ARMC2: variants seen among roughly 807,000 people sequenced by gnomAD.
The protein encoded by ARMC2 is armadillo repeat-containing protein 2.
In ARMC2, 67 loss-of-function variants were observed where a neutral mutation model predicts 90.3. The observed-to-expected ratio is 0.74, with a 90% CI of 0.61 to 0.91. The LOEUF (loss-of-function observed/expected upper bound fraction) is 0.91, where lower values mean the gene tolerates loss of function less well. Ranked by LOEUF, ARMC2 falls within the 40% of genes least tolerant of loss-of-function variation. The pLI, the probability that ARMC2 is intolerant of heterozygous loss-of-function variation, is 0.00. For missense variants in ARMC2, 920 were observed against 1,030.9 expected, an observed-to-expected ratio of 0.89 and a Z score of 1.47; for synonymous variants, 393 against 393.0, an observed-to-expected ratio of 1.00 and a Z score of 0.00.
rs536475725 is a variant in ARMC2 at position 108,927,504 on chromosome 6, C to G, written c.1351-584C>G. On this transcript the variant is annotated intron_variant, in intron 10 of 17. Transcript: ENST00000392644. ...TAGTTTTATGATTTACTAAACTCTTCTCTTCTTGACTCTTTGACGAAGGTA... is the reference window on the plus strand; with the variant it reads ...TAGTTTTATGATTTACTAAACTCTTGTCTTCTTGACTCTTTGACGAAGGTA... Among the ~76,000 whole-genome samples, 8 of 151,956 alleles carry G rather than the reference C, an allele frequency of 5.3e-5. No individual in the cohort carries two copies. In the East Asian group the frequency reaches 1.4e-3, roughly 26 times the overall value.
rs145606459 is a variant in ARMC2, at chr6:108,895,645, C to T, written c.748+1102C>T. On this transcript the variant is annotated intron_variant, in intron 6 of 17. Transcript: ENST00000392644. ...TATTCATGCAATAGAATATAGTTGT[C>T]ACAAAAGTGAACTCATGGGCTTTTG... Among the ~76,000 whole-genome samples the T allele has an allele frequency of 4.2e-3, 634 of 152,212 alleles. 3 individuals carry two copies. The highest frequency in any genetic ancestry group is 0.014 in the African/African-American group (594 of 41,518).
chr6:109,027,045 C>G, the ARMC2 span, among the ~76,000 whole-genome samples: 1 of 152,166 alleles, frequency 6.6e-6, no homozygotes, highest in African/African-American at 2.4e-5. Flanking sequence ...CACCACATAC[C>G]TATAATCCCA....
chr6:108,886,530 C>G (rs1353175595), intron 5 of ARMC2, among the ~76,000 whole-genome samples: 1 of 152,146 alleles, frequency 6.6e-6, no homozygotes, highest in Non-Finnish European at 1.5e-5. Context: ...GAGATCACAC[C>G]ACTGCACTCC....
At chr6:108,965,987 T>C (rs1215497697) in intron 17 of ARMC2, among the ~76,000 whole-genome samples, 1 of 150,520 alleles carries the variant, frequency 6.6e-6, no homozygotes, top group African/African-American at 2.5e-5. Flanking sequence ...ATTTTTATAA[T>C]TTTAGGATAA....
At chr6:108,930,370 T>C (rs1186142502) in intron 11 of ARMC2, among the ~76,000 whole-genome samples, 2 of 152,070 alleles carry the variant, frequency 1.3e-5, no homozygotes, top group Admixed American at 6.6e-5. Context: ...TGTAATTCTT[T>C]CCCCTGTCCT....
chr6:108,855,531 G>A lies in ARMC2; in HGVS notation c.218+1046G>A, dbSNP rs935006662. ...CTCCCAAAGTGCTGGGATTACAGGC[G>A]TGAGCGACCTCGCCCGGCCAAGTTT... On this transcript the variant is annotated intron_variant, in intron 2 of 17. Transcript: ENST00000392644. 3.3e-5 allele frequency among the ~76,000 whole-genome samples: 5 copies of A among 152,294 alleles called. No homozygotes were observed. The East Asian group carries it at 5.8e-4, about 18-fold the overall frequency.
At position 108,897,729 on chromosome 6, in the gene ARMC2, G is replaced by A. The variant is rs1048666118; in HGVS notation, c.749-1965G>A. Among the ~76,000 whole-genome samples, 3 of 152,112 alleles carry A rather than the reference G, an allele frequency of 2.0e-5. No homozygotes were observed. The East Asian group carries it at 5.8e-4, about 29-fold the overall frequency. Reference sequence around the variant, plus strand: ...CATCAGCACCATTTGATGGTTTGAGGATTCATGTCAGAATTCAAATACATC... The same window carrying A: ...CATCAGCACCATTTGATGGTTTGAGAATTCATGTCAGAATTCAAATACATC... On this transcript the variant is annotated intron_variant, in intron 6 of 17. Coordinates refer to ENST00000392644, the MANE Select transcript of ARMC2 (RefSeq NM_032131.6).
At chr6:108,902,441 C>A (rs1232055405) in intron 7 of ARMC2, among the ~76,000 whole-genome samples, 9 of 152,156 alleles carry the variant, frequency 5.9e-5, no homozygotes, top group African/African-American at 2.2e-4. Context: ...ATGAGTGGCC[C>A]AGAGCCTGGA....
intron 3 of ARMC2, among the ~76,000 whole-genome samples, chr6:108,868,047 A>G (rs1776005386): frequency 6.6e-6 from 1 of 152,222 alleles, no homozygotes; most frequent in East Asian, 1.9e-4. Flanking sequence ...AAATTTTGAT[A>G]TCATTAAAAA....
chr6:108,885,953 C>T (rs1778056770), intron 5 of ARMC2, among the ~76,000 whole-genome samples: 1 of 152,242 alleles, frequency 6.6e-6, no homozygotes. Flanking sequence ...TGGCCATCTT[C>T]ACACTGCAGC....
intron 5 of ARMC2, among the ~76,000 whole-genome samples, chr6:108,886,883 GTTTT>G (rs10712168): frequency 2.0e-5 from 3 of 146,442 alleles, no homozygotes; most frequent in Non-Finnish European, 4.5e-5. Context: ...GAATTTTATA[GTTTT>G]TTTTTTGTTT....
chr6:108,883,240 C>CCAGT (rs1270724139), intron 5 of ARMC2, among the ~76,000 whole-genome samples: 11 of 152,170 alleles, frequency 7.2e-5, no homozygotes, highest in African/African-American at 2.7e-4. Flanking sequence ...AATTGTATTG[C>CCAGT]CAGTCCAGTT....
chr6:108,890,580 T>C (rs1004469525), intron 5 of ARMC2, among the ~76,000 whole-genome samples: 1 of 151,696 alleles, frequency 6.6e-6, no homozygotes, highest in Admixed American at 6.6e-5. Flanking sequence ...AAAAAATTAA[T>C]GATGAGGAAA....
At chr6:108,986,077 TTA>T in the ARMC2 span, among the ~76,000 whole-genome samples, 1 of 149,462 alleles carries the variant, frequency 6.7e-6, no homozygotes, top group African/African-American at 2.4e-5. Flanking sequence ...ACTAACAGAG[TTA>T]TCATCACAAC....
chr6:108,904,430 A>G, intron 8 of ARMC2, 25 bp downstream of exon 8: 1 of 1,565,072 alleles, frequency 6.4e-7, no homozygotes, highest in Non-Finnish European at 8.7e-7. Context: ...CCTCTGGTCT[A>G]GTAGACTATA....
chr6:108,955,242 G>A (rs1470962953), intron 13 of ARMC2, among the ~76,000 whole-genome samples: 1 of 152,044 alleles, frequency 6.6e-6, no homozygotes, highest in South Asian at 2.1e-4. Flanking sequence ...CAAGGAATTC[G>A]GCCTATATGG....
At chr6:108,938,687 G>C (rs12524586) in intron 12 of ARMC2, among the ~76,000 whole-genome samples, 1 of 125,186 alleles carries the variant, frequency 8.0e-6, no homozygotes, top group East Asian at 2.7e-4. Flanking sequence ...CTTGCCATTA[G>C]AATTTTCAAA....
chr6:108,982,815 T>TA, the ARMC2 span, among the ~76,000 whole-genome samples: 4 of 148,938 alleles, frequency 2.7e-5, no homozygotes, highest in East Asian at 7.8e-4. Context: ...GACTTTTCTT[T>TA]TTTTTTTTTT....
chr6:108,989,528 TATAGAG>T, the ARMC2 span, among the ~76,000 whole-genome samples: 72 of 147,084 alleles, frequency 4.9e-4, no homozygotes, highest in African/African-American at 1.5e-3. Context: ...GAGAGATATC[TATAGAG>T]ATAGAGATAT....
Sources: gnomAD v4.1 joint callset for allele counts (sites outside exome capture counted in the v4.1 genomes callset) on GRCh38, gnomAD v4.1.1 for gene constraint, MANE v1.5 for transcripts, NCBI Gene and HGNC (gene_info 2026-07-23, HGNC 2026-07-21) for gene names.